The following SPTBN5 variants were observed in gnomAD, a reference collection of about 807,000 sequenced individuals.
SPTBN5 encodes spectrin beta chain, non-erythrocytic 5.
A neutral mutation model predicts 477.6 loss-of-function variants in SPTBN5; 513 were observed. That is an observed-to-expected ratio of 1.07 (90% CI 1.00 to 1.16). The LOEUF is 1.16. Among genes scored for constraint, SPTBN5 ranks in the 50% most tolerant of loss-of-function variants. SPTBN5 has a pLI of 0.00. For synonymous variants in SPTBN5, 2,169 were observed against 2,011.7 expected (o/e 1.08, Z -2.09); for missense variants, 5,062 against 4,731.8 (o/e 1.07, Z -2.05).
rs1306329138 is a variant in SPTBN5, at chr15:41,877,262, G to A, written c.3565C>T (p.Gln1189Ter). Residue 1189 changes from glutamine (Q) to a stop codon, truncating the protein, a stop_gained, in exon 18 of 68, where the codon CAG becomes TAG. Transcript: ENST00000320955. LOFTEE classifies it high-confidence loss of function. ...CACAAAACCTTCAGCTCCTGGCCCTGCTGCCCCAGGACCCTCAGAGTGTTG... is the reference window on the plus strand; with the variant it reads ...CACAAAACCTTCAGCTCCTGGCCCTACTGCCCCAGGACCCTCAGAGTGTTG... ...VPNTLRVLGQ[Q>*]GQELKVLWEQ... 6.2e-7 allele frequency: 1 copy of A among 1,613,906 alleles called. No homozygotes were observed. Among genetic ancestry groups the A allele is most frequent in the East Asian group, 2.2e-5 (1 of 44,884 alleles).
rs934895176 is a variant in SPTBN5, at chr15:41,870,105, C to T, written c.5674-85G>A. On this transcript the variant is annotated intron_variant, in intron 31 of 67. Coordinates refer to ENST00000320955, the MANE Select transcript of SPTBN5 (RefSeq NM_016642.4). ...TGTATCCCTTGCCTGGGAACTCTGGCCCCCTTGGGCCACGTCCTGCCATGC... is the reference window on the plus strand; with the variant it reads ...TGTATCCCTTGCCTGGGAACTCTGGTCCCCTTGGGCCACGTCCTGCCATGC... 8.3e-6 allele frequency: 12 copies of T among 1,447,306 alleles called. 1 individual carries two copies. The highest frequency in any genetic ancestry group is 7.5e-5 in the East Asian group (3 of 39,988). 89.7% of individuals were successfully genotyped at this position (1,447,306 alleles called of 1,614,324 possible).
Position 41,878,362 on chromosome 15 carries a change from C to T in SPTBN5, c.3450G>A (p.Glu1150=). 1 of 1,613,708 alleles carries T rather than the reference C, an allele frequency of 6.2e-7. No individual in the cohort carries two copies. The highest frequency in any genetic ancestry group is 2.2e-5 in the East Asian group (1 of 44,876). ...CTGACCTCTCCTGCCACAGGTGGAT[C>T]TCCTCCAGCAGGTCTTGGTGCTCCC... ...LLREHQDLLE[E]IHLWQERLQQ... is the part of the protein sequence containing the mutation. The change falls in exon 17 of 68, where the codon GAG becomes GAA. Residue 1150 remains glutamate, a synonymous_variant. Transcript: ENST00000320955.
rs754948807 is a variant in SPTBN5 at position 41,857,557 on chromosome 15, GC to G, written c.8364+15del. ...CTGGAGCCCGGCCAGCCACCCCTCG[GC>G]CTGCACAACCTCACCTCACAGGCCT... On this transcript the variant is annotated intron_variant, in intron 50 of 67. Transcript: ENST00000320955. The G allele has an allele frequency of 4.0e-5, 64 of 1,606,456 alleles. No individual in the cohort carries two copies. The highest frequency in any genetic ancestry group is 1.7e-4 in the Middle Eastern group (1 of 6,060).
intron 4 of SPTBN5, 28 bp downstream of exon 4, chr15:41,890,061 G>T: frequency 6.6e-7 from 1 of 1,506,088 alleles, no homozygotes; most frequent in Non-Finnish European, 9.2e-7. Flanking sequence ...GGGTCACCAG[G>T]TGCTGGGTAC....
Position 41,886,030 on chromosome 15 carries a change from C to A in SPTBN5, c.1225G>T (p.Ala409Ser), listed in dbSNP as rs775858406. 2.3e-5 allele frequency: 36 copies of A among 1,561,098 alleles called. No homozygotes were observed. The highest frequency in any genetic ancestry group is 2.8e-5 in the Non-Finnish European group (32 of 1,152,892). Residue 409 changes from alanine (A) to serine (S), a missense_variant, in exon 7 of 68, where the codon GCA becomes TCA. By Grantham distance (99) the Ala-to-Ser change is moderately conservative. Coordinates refer to ENST00000320955, the MANE Select transcript of SPTBN5 (RefSeq NM_016642.4). ...CTCTGCTGCAGGGCCTGGCTCCTTG[C>A]AGCCTCTGCCCACTCCAGCCCTGCC... The part of the protein sequence containing the change: ...CWAGLEWAEA[A>S]RSQALQQRLL...
chr15:41,885,810 C>T lies in SPTBN5; in HGVS notation c.1445G>A (p.Arg482His), dbSNP rs199807959. Reference protein sequence around the residue: ...LEAGILPQEGRFQALAEIADI... With the variant: ...LEAGILPQEGHFQALAEIADI... Reference sequence around the variant, plus strand: ...TGCGATCTCAGCCAGGGCCTGGAAGCGCCCCTCCTGGGGCAGGATGCCAGC... The same window carrying T: ...TGCGATCTCAGCCAGGGCCTGGAAGTGCCCCTCCTGGGGCAGGATGCCAGC... Residue 482 changes from arginine (R) to histidine (H), a missense_variant, in exon 7 of 68, where the codon CGC becomes CAC. Arg to His is a conservative substitution (Grantham distance 29). Transcript: ENST00000320955. 1,620 of 1,558,034 alleles carry T rather than the reference C, an allele frequency of 1.0e-3. 3 individuals are homozygous for T. The highest frequency in any genetic ancestry group is 1.3e-3 in the Non-Finnish European group (1,538 of 1,151,114).
rs367939888 is a variant in SPTBN5, at chr15:41,864,020, G to A, written c.6923C>T (p.Thr2308Ile). The change falls in exon 40 of 68, where the codon ACA becomes ATA. Residue 2308 changes from threonine (T) to isoleucine (I), a missense_variant. Physicochemically the swap from Thr to Ile is moderately conservative, Grantham distance 89 (BLOSUM62 -1). Coordinates refer to ENST00000320955, the MANE Select transcript of SPTBN5 (RefSeq NM_016642.4). Reference sequence around the variant, plus strand: ...GCTCCTGATGCAGGCATCACCCACTGTGTCCTGCAGGGGAGGTATGGGTGA... The same window carrying A: ...GCTCCTGATGCAGGCATCACCCACTATGTCCTGCAGGGGAGGTATGGGTGA... The part of the protein sequence containing the change: ...REFRGNSAGD[T>I]VGDACIRSIS... The A allele has an allele frequency of 3.8e-5, 61 of 1,612,006 alleles. No homozygotes were observed. The African/African-American group carries it at 6.9e-4, about 18-fold the overall frequency.
Position 41,876,212 on chromosome 15 carries a change from A to G in SPTBN5, c.4024T>C (p.Ser1342Pro). ...EKGLMAAHEPSGARRNILQTL... is the reference protein window; with the variant it reads ...EKGLMAAHEPPGARRNILQTL... ...TGCAGGATGTTTCTGCGCGCTCCGG[A>G]GGGCTCATGCGCAGCCATCAGCCCC... The change falls in exon 21 of 68, where the codon TCC becomes CCC. Residue 1342 changes from serine to proline, a missense_variant. Ser to Pro is a moderately conservative substitution (Grantham distance 74). Transcript: ENST00000320955. The G allele has an allele frequency of 1.2e-6, 2 of 1,604,818 alleles. No homozygotes were observed. The highest frequency in any genetic ancestry group is 1.7e-4 in the Middle Eastern group (1 of 6,058).
intron 28 of SPTBN5, 70 bp from the exon 29 acceptor site, chr15:41,871,590 G>T: frequency 7.1e-7 from 1 of 1,410,956 alleles, no homozygotes; most frequent in Non-Finnish European, 9.3e-7. Flanking sequence ...GGGAATCGAG[G>T]CACCTCAGTG....
At position 41,877,356 on chromosome 15, in the gene SPTBN5, C is replaced by G. The variant is rs772056849; in HGVS notation, c.3471G>C (p.Arg1157Ser). The G allele has an allele frequency of 3.1e-6, 5 of 1,605,120 alleles. No homozygotes were observed. Among genetic ancestry groups the G allele is most frequent in the Non-Finnish European group, 4.3e-6 (5 of 1,175,250 alleles). ...GGCTCTGAGCGTCCAGCTGCTGCAGCCTGACCAGGATGACAGGCAGAGAGT... is the reference window on the plus strand; with the variant it reads ...GGCTCTGAGCGTCCAGCTGCTGCAGGCTGACCAGGATGACAGGCAGAGAGT... ...LLEEIHLWQE[R>S]LQQLDAQSQP... is the part of the protein sequence containing the mutation. The change falls in exon 18 of 68, where the codon AGG becomes AGC. Residue 1157 changes from arginine to serine, a missense_variant and splice_region_variant. By Grantham distance (110) the Arg-to-Ser change is moderately radical. Coordinates refer to ENST00000320955, the MANE Select transcript of SPTBN5 (RefSeq NM_016642.4).
chr15:41,877,395 G>T (rs751470351), intron 17 of SPTBN5, 39 bp from the exon 18 acceptor site: 4 of 1,586,224 alleles, frequency 2.5e-6, no homozygotes, highest in Non-Finnish European at 3.4e-6. Flanking sequence ...ACCCCAGCAG[G>T]CTCCCTCGTC....
chr15:41,866,529 G>T (rs754640070), intron 36 of SPTBN5, 36 bp from the exon 37 acceptor site: 2 of 1,490,864 alleles, frequency 1.3e-6, no homozygotes, highest in South Asian at 2.8e-5. Flanking sequence ...GCAATGTTCT[G>T]CAGCCTCAGG....
intron 9 of SPTBN5, 46 bp from the exon 10 acceptor site, chr15:41,882,784 C>T (rs377582520): frequency 1.3e-6 from 2 of 1,583,104 alleles, no homozygotes; most frequent in Non-Finnish European, 1.7e-6. Context: ...AGTCGTGAGG[C>T]ATGGGCAGTG....
chr15:41,876,795 G>T lies in SPTBN5; in HGVS notation c.3851+14C>A. 6.2e-7 allele frequency: 1 copy of T among 1,609,714 alleles called. No individual in the cohort carries two copies. The stretch of plus-strand genomic sequence containing the variant: ...GGGTCATCTGCAGGTGCTGCAGACT[G>T]AGGCCAGGCTCACGTGTGTGCAGCT... On this transcript the variant is annotated intron_variant, in intron 19 of 67. Transcript: ENST00000320955.
In SPTBN5 at chr15:41,857,572, C is replaced by G; in HGVS notation, c.8364+1G>C. 1 of 1,609,490 alleles carries G rather than the reference C, an allele frequency of 6.2e-7. No homozygotes were observed. The highest frequency in any genetic ancestry group is 8.5e-7 in the Non-Finnish European group (1 of 1,177,920). On this transcript the variant is annotated splice_donor_variant, in intron 50 of 67. Transcript: ENST00000320955. LOFTEE classifies it high-confidence loss of function. ...CCACCCCTCGGCCTGCACAACCTCACCTCACAGGCCTTCTGGAGCTTGGCC... is the reference window on the plus strand; with the variant it reads ...CCACCCCTCGGCCTGCACAACCTCAGCTCACAGGCCTTCTGGAGCTTGGCC...
intron 7 of SPTBN5, 113 bp from the exon 8 acceptor site, chr15:41,883,599 G>A (rs1201195306): frequency 3.1e-6 from 4 of 1,291,526 alleles, no homozygotes; most frequent in Non-Finnish European, 4.3e-6. Flanking sequence ...GACCTCCATG[G>A]CTGGGGCAAG....
chr15:41,853,449 T>G lies in SPTBN5; in HGVS notation c.9981-2A>C, dbSNP rs566479701. 1.9e-5 allele frequency: 30 copies of G among 1,569,776 alleles called. 1 individual carries two copies. In the South Asian group the frequency reaches 3.4e-4, roughly 18 times the overall value. ...TCCTGCCTCTCCTGTGCCCATGCTC[T>G]GTGGGGCAGGGAAGGGAGCTGTTGT... On this transcript the variant is annotated splice_acceptor_variant, in intron 58 of 67. Transcript: ENST00000320955. LOFTEE classifies it high-confidence loss of function.
At chr15:41,863,235 C>T (rs920055498) in intron 41 of SPTBN5, among the ~76,000 whole-genome samples, 16 of 152,210 alleles carry the variant, frequency 1.1e-4, no homozygotes, top group African/African-American at 1.4e-4. Context: ...CAGAAGCCAG[C>T]GGAGGAAACA....
At chr15:41,873,380 C>A in intron 26 of SPTBN5, 112 bp downstream of exon 26, 1 of 826,818 alleles carries the variant, frequency 1.2e-6, no homozygotes, top group Non-Finnish European at 1.9e-6. Context: ...GTCTGTGTCT[C>A]CAGGAAGCAA....
Sources: gnomAD v4.1 joint callset for allele counts (sites outside exome capture counted in the v4.1 genomes callset) on GRCh38, gnomAD v4.1.1 for gene constraint, MANE v1.5 for transcripts, NCBI Gene and HGNC (gene_info 2026-07-23, HGNC 2026-07-21) for gene names.